The following THSD4 variants were observed in gnomAD, a reference collection of about 807,000 sequenced individuals.
THSD4 encodes thrombospondin type-1 domain-containing protein 4.
A neutral mutation model predicts 119.0 loss-of-function variants in THSD4; 69 were observed. The observed-to-expected ratio is 0.58, with a 90% CI of 0.48 to 0.71. The LOEUF (loss-of-function observed/expected upper bound fraction) is 0.71. Ranked by LOEUF, THSD4 falls within the 30% of genes least tolerant of loss-of-function variation. The pLI is 0.00. For synonymous variants in THSD4, 524 were observed against 540.4 expected (o/e 0.97, Z 0.42); for missense variants, 1,393 against 1,391.1 (o/e 1.00, Z -0.02).
chr15:71,119,402 C>G (rs1463683871), intron 1 of THSD4, among the ~76,000 whole-genome samples: 1 of 152,186 alleles, frequency 6.6e-6, no homozygotes, highest in African/African-American at 2.4e-5. Context: ...CCTGGGCTTC[C>G]TTTACAATGT....
chr15:71,669,201 T>C (rs73447751), intron 8 of THSD4, among the ~76,000 whole-genome samples: 1,527 of 152,350 alleles, frequency 0.01, 22 homozygotes, highest in African/African-American at 0.035. Context: ...ACTAGATCTT[T>C]TTTATTTGCA....
At chr15:71,534,777 G>A (rs1054201359) in intron 7 of THSD4, among the ~76,000 whole-genome samples, 4 of 152,062 alleles carry the variant, frequency 2.6e-5, no homozygotes, top group Admixed American at 2.6e-4. Flanking sequence ...TCAGGAGTTC[G>A]AGACCAACCT....
At chr15:71,637,627 G>A (rs1016463617) in intron 7 of THSD4, among the ~76,000 whole-genome samples, 3 of 152,188 alleles carry the variant, frequency 2.0e-5, no homozygotes, top group Admixed American at 2.0e-4. Flanking sequence ...CACTGTGGTT[G>A]CACTGTGGTC....
At chr15:71,630,062 T>C (rs2050593493) in intron 7 of THSD4, among the ~76,000 whole-genome samples, 1 of 152,222 alleles carries the variant, frequency 6.6e-6, no homozygotes, top group Non-Finnish European at 1.5e-5. Context: ...CAAACTTATG[T>C]CTTTGTAAGC....
chr15:71,490,442 C>T (rs1026631672), intron 7 of THSD4, among the ~76,000 whole-genome samples: 2 of 151,952 alleles, frequency 1.3e-5, no homozygotes, highest in African/African-American at 4.8e-5. Context: ...TGCCTGTAGT[C>T]CCACCTACTC....
chr15:71,715,306 C>G (rs1017177757), intron 8 of THSD4, among the ~76,000 whole-genome samples: 1 of 152,162 alleles, frequency 6.6e-6, no homozygotes, highest in African/African-American at 2.4e-5. Context: ...TGAATTCCTG[C>G]CATCATCTTG....
chr15:71,452,792 T>C (rs2047284076), intron 7 of THSD4, among the ~76,000 whole-genome samples: 1 of 152,082 alleles, frequency 6.6e-6, no homozygotes, highest in African/African-American at 2.4e-5. Context: ...TTTTTGTATT[T>C]TTAGTAGAGA....
intron 3 of THSD4, 120 bp downstream of exon 3, chr15:71,155,052 C>A: frequency 1.1e-6 from 1 of 907,244 alleles, no homozygotes; most frequent in South Asian, 1.3e-5. Context: ...AAGGAAGCAC[C>A]ATTTACAGAA....
chr15:71,694,932 G>A (rs1455147918), intron 8 of THSD4, among the ~76,000 whole-genome samples: 7 of 152,128 alleles, frequency 4.6e-5, no homozygotes, highest in Admixed American at 1.3e-4. Flanking sequence ...ACAGGAGATG[G>A]AGAGGTGTGC....
chr15:71,547,574 T>A, intron 7 of THSD4: 1 of 1,446,822 alleles, frequency 6.9e-7, no homozygotes, highest in Non-Finnish European at 9.3e-7. Context: ...GGAATGGAAT[T>A]TTATGGGGTG....
At chr15:71,136,145 G>T (rs937546790) in intron 1 of THSD4, among the ~76,000 whole-genome samples, 1 of 151,742 alleles carries the variant, frequency 6.6e-6, no homozygotes, top group African/African-American at 2.4e-5. Flanking sequence ...TTGTTGTGAG[G>T]GTTGTATAGC....
Position 71,102,470 on chromosome 15 carries a change from C to A in THSD4, c.-80+5464C>A, listed in dbSNP as rs545926104. ...GATTAGATAATTTCTATTGATCTATCTTTAAGTTAATTTTTCATCCAGTTA... is the reference window on the plus strand; with the variant it reads ...GATTAGATAATTTCTATTGATCTATATTTAAGTTAATTTTTCATCCAGTTA... On this transcript the variant is annotated intron_variant, in intron 1 of 17. Coordinates refer to the THSD4 transcript ENST00000355327. 1.2e-4 allele frequency among the ~76,000 whole-genome samples: 18 copies of A among 152,210 alleles called. No individual in the cohort carries two copies. In the South Asian group the frequency reaches 2.7e-3, roughly 23 times the overall value.
intron 5 of THSD4, among the ~76,000 whole-genome samples, chr15:71,255,434 G>A (rs1268983111): frequency 6.6e-6 from 1 of 152,234 alleles, no homozygotes; most frequent in Non-Finnish European, 1.5e-5. Context: ...AGAGGGAGCA[G>A]TATGTTTTCC....
chr15:71,693,007 A>G (rs1165268972), intron 8 of THSD4, among the ~76,000 whole-genome samples: 3 of 152,096 alleles, frequency 2.0e-5, no homozygotes, highest in Non-Finnish European at 4.4e-5. Context: ...AATTGCTTTT[A>G]AAGGGAGATA....
intron 6 of THSD4, among the ~76,000 whole-genome samples, chr15:71,326,732 G>A (rs1030659680): frequency 2.9e-5 from 2 of 70,164 alleles, no homozygotes; most frequent in Non-Finnish European, 3.1e-5. Context: ...TATATTAGCT[G>A]GGTGTGGTGG....
chr15:71,625,959 T>C (rs1442454033), intron 7 of THSD4, among the ~76,000 whole-genome samples: 1 of 152,180 alleles, frequency 6.6e-6, no homozygotes, highest in African/African-American at 2.4e-5. Flanking sequence ...TCAAATATGG[T>C]TTTGTCATTC....
intron 1 of THSD4, among the ~76,000 whole-genome samples, chr15:71,127,713 T>C (rs1304020139): frequency 6.6e-6 from 1 of 152,194 alleles, no homozygotes; most frequent in Non-Finnish European, 1.5e-5. Context: ...TGTGTATCTT[T>C]GTTTGAGAAA....
chr15:71,306,832 G>C (rs1246237225), intron 6 of THSD4, among the ~76,000 whole-genome samples: 1 of 152,182 alleles, frequency 6.6e-6, no homozygotes. Flanking sequence ...ATAGACCCCT[G>C]TATGATATGT....
chr15:71,375,431 C>T (rs2046120973), intron 6 of THSD4, among the ~76,000 whole-genome samples: 1 of 152,208 alleles, frequency 6.6e-6, no homozygotes, highest in African/African-American at 2.4e-5. Flanking sequence ...TGCTTCTCCC[C>T]TCCCATCACT....
Sources: allele counts gnomAD v4.1 joint callset (sites outside exome capture counted in the v4.1 genomes callset), GRCh38; gene constraint gnomAD v4.1.1; transcripts MANE v1.5; gene names NCBI Gene and HGNC (gene_info 2026-07-23, HGNC 2026-07-21).